Variants in EPG5 observed in about 807,000 individuals in gnomAD.
The protein encoded by EPG5 is ectopic P-granules 5 autophagy tethering factor, also known as ectopic P granules protein 5 homolog.
EPG5 carries 159 observed loss-of-function variants against 302.7 expected under a neutral mutation model. The observed-to-expected ratio is 0.53, with a 90% confidence interval of 0.46 to 0.60. EPG5 has a LOEUF of 0.60. EPG5 is among the 20% of genes least tolerant of loss of function. EPG5 has a pLI of 0.00. For missense variants in EPG5, 2,896 were observed against 3,092.4 expected, an observed-to-expected ratio of 0.94 and a Z score of 1.51; for synonymous variants, 1,158 against 1,136.8, an observed-to-expected ratio of 1.02 and a Z score of -0.37.
the EPG5 span, among the ~76,000 whole-genome samples, chr18:45,813,864 G>T: frequency 6.6e-6 from 1 of 152,004 alleles, no homozygotes; most frequent in Non-Finnish European, 1.5e-5. Context: ...GTATACATAT[G>T]TAACAAACCT....
chr18:45,838,755 T>C, the EPG5 span: 7 of 1,582,538 alleles, frequency 4.4e-6, no homozygotes, highest in African/African-American at 2.7e-5. Flanking sequence ...TGCTGCCCAG[T>C]CCGGCTCACG....
the EPG5 span, chr18:45,842,440 T>TGAAA: frequency 2.2e-6 from 1 of 456,670 alleles, no homozygotes; most frequent in South Asian, 3.2e-5. Context: ...TGTGTGTGTG[T>TGAAA]GTGAGAGAGA....
intron 1 of EPG5, among the ~76,000 whole-genome samples, chr18:45,965,495 C>T (rs2143951178): frequency 6.6e-6 from 1 of 152,194 alleles, no homozygotes; most frequent in South Asian, 2.1e-4. Context: ...GAAAGAAATC[C>T]ACATAAGTCA....
intron 27 of EPG5, among the ~76,000 whole-genome samples, chr18:45,892,453 A>G (rs2049374407): frequency 6.6e-6 from 1 of 152,234 alleles, no homozygotes; most frequent in African/African-American, 2.4e-5. Context: ...TAAAAGTTGG[A>G]CAAAGCATGT....
At chr18:45,927,593 T>TATAC (rs751518256) in intron 13 of EPG5, among the ~76,000 whole-genome samples, 9,204 of 133,454 alleles carry the variant, frequency 0.069, 350 homozygotes, top group African/African-American at 0.11. Context: ...CAAAAAGTTA[T>TATAC]ACACACACAC....
intron 37 of EPG5, among the ~76,000 whole-genome samples, 178 bp from the exon 38 acceptor site, chr18:45,867,185 T>C (rs1383053164): frequency 6.6e-6 from 1 of 152,144 alleles, no homozygotes; most frequent in Non-Finnish European, 1.5e-5. Flanking sequence ...AACCAAACTT[T>C]TGGCAAAAAC....
At chr18:45,913,151 C>T (rs1223272669) in intron 21 of EPG5, among the ~76,000 whole-genome samples, 2 of 151,640 alleles carry the variant, frequency 1.3e-5, no homozygotes, top group Non-Finnish European at 2.9e-5. Flanking sequence ...CAAACTTTAT[C>T]AATCTTTTGA....
intron 17 of EPG5, chr18:45,916,869 C>A (rs1776449902): frequency 4.8e-6 from 1 of 210,228 alleles, no homozygotes; most frequent in South Asian, 9.8e-5. Flanking sequence ...CCCCTCCTCA[C>A]TCCCCAACTC....
intron 24 of EPG5, among the ~76,000 whole-genome samples, chr18:45,906,732 G>A (rs1044579680): frequency 5.3e-5 from 8 of 151,592 alleles, no homozygotes; most frequent in Non-Finnish European, 1.2e-4. Flanking sequence ...TCAGCTCACT[G>A]CAACCTCTAC....
intron 29 of EPG5, 135 bp downstream of exon 29, chr18:45,887,616 T>G: frequency 1.5e-6 from 1 of 654,574 alleles, no homozygotes; most frequent in East Asian, 3.2e-5. Flanking sequence ...AGCCTACAAC[T>G]CCAAGAGGCT....
intron 37 of EPG5, 119 bp downstream of exon 37, chr18:45,867,444 C>T: frequency 1.3e-6 from 1 of 780,710 alleles, no homozygotes; most frequent in Non-Finnish European, 2.2e-6. Context: ...ATCTCATATG[C>T]CAAGCATCTG....
intron 10 of EPG5, among the ~76,000 whole-genome samples, chr18:45,936,591 G>A (rs566330736): frequency 9.1e-4 from 139 of 151,962 alleles, no homozygotes; most frequent in Non-Finnish European, 1.8e-3. Context: ...AGCCGGGCAC[G>A]GTGGTGTGCG....
At chr18:45,897,815 G>C (rs964745876) in intron 27 of EPG5, among the ~76,000 whole-genome samples, 3 of 152,128 alleles carry the variant, frequency 2.0e-5, no homozygotes, top group Non-Finnish European at 4.4e-5. Flanking sequence ...TTGTAGAAAA[G>C]AGTCTCCCAA....
At chr18:45,938,453 C>T (rs1248514620) in intron 10 of EPG5, among the ~76,000 whole-genome samples, 1 of 144,130 alleles carries the variant, frequency 6.9e-6, no homozygotes, top group Non-Finnish European at 1.5e-5. Context: ...CAAAGTGAGA[C>T]TCCATCTCAA....
intron 14 of EPG5, among the ~76,000 whole-genome samples, chr18:45,924,284 G>A (rs764532819): frequency 3.2e-4 from 48 of 152,322 alleles, no homozygotes; most frequent in Non-Finnish European, 5.6e-4. Flanking sequence ...CTCTTCAAGA[G>A]GAGAGCCTAG....
intron 15 of EPG5, 54 bp from the exon 16 acceptor site, chr18:45,922,654 A>G (rs1320588029): frequency 6.3e-7 from 1 of 1,583,382 alleles, no homozygotes; most frequent in Non-Finnish European, 8.6e-7. Flanking sequence ...TTAAATCAGT[A>G]AGCTCATACA....
intron 9 of EPG5, 102 bp from the exon 10 acceptor site, chr18:45,939,857 C>T: frequency 1.9e-6 from 2 of 1,061,406 alleles, no homozygotes; most frequent in Non-Finnish European, 1.4e-6. Flanking sequence ...ATTTATTGAG[C>T]ACCTACTATC....
At chr18:45,882,196 T>C (rs1331679424) in intron 31 of EPG5, 78 bp downstream of exon 31, 1 of 1,231,350 alleles carries the variant, frequency 8.1e-7, no homozygotes, top group Non-Finnish European at 1.2e-6. Flanking sequence ...TATCTTTGAA[T>C]AACATCTGTA....
At chr18:45,821,380 G>T in the EPG5 span, among the ~76,000 whole-genome samples, 5 of 152,192 alleles carry the variant, frequency 3.3e-5, no homozygotes, top group Non-Finnish European at 7.3e-5. Context: ...AAATCAGTAA[G>T]ATTAGGAATC....
Sources: allele counts gnomAD v4.1 joint callset (sites outside exome capture counted in the v4.1 genomes callset), GRCh38; gene constraint gnomAD v4.1.1; transcripts MANE v1.5; gene names NCBI Gene and HGNC (gene_info 2026-07-23, HGNC 2026-07-21).